Variants in ALPK2 observed in about 807,000 individuals in gnomAD.
ALPK2 encodes the protein alpha kinase 2.
ALPK2 carries 127 observed loss-of-function variants against 163.1 expected under a neutral mutation model. The ratio of observed to expected loss-of-function variants is 0.78; its 90% CI spans 0.67 to 0.90. The LOEUF is 0.90. ALPK2 is among the 40% of genes least tolerant of loss of function. The pLI, the probability that ALPK2 is intolerant of heterozygous loss-of-function variation, is 0.00. For synonymous variants in ALPK2, 953 were observed against 959.1 expected, an observed-to-expected ratio of 0.99 and a Z score of 0.12; for missense variants, 2,360 against 2,589.6, an observed-to-expected ratio of 0.91 and a Z score of 1.92.
At chr18:58,599,663 T>C (rs138526231) in intron 3 of ALPK2, among the ~76,000 whole-genome samples, 1 of 152,288 alleles carries the variant, frequency 6.6e-6, no homozygotes, top group Non-Finnish European at 1.5e-5. Flanking sequence ...CTCCAAACTC[T>C]CCTATTTTAA....
chr18:58,497,548 A>G (rs73445103), intron 12 of ALPK2, among the ~76,000 whole-genome samples: 57 of 152,330 alleles, frequency 3.7e-4, no homozygotes, highest in Middle Eastern at 6.8e-3. Context: ...CAGGTAACTA[A>G]TCACAGCTCT....
In ALPK2 at chr18:58,578,602, G is replaced by A; in HGVS notation, c.1962+212C>T. 4 of 508,590 alleles carry A rather than the reference G, an allele frequency of 7.9e-6. No individual in the cohort carries two copies. The South Asian group carries it at 1.3e-4, about 17-fold the overall frequency. 31.5% of individuals were successfully genotyped at this position (508,590 alleles called of 1,614,324 possible). ...ATTAGGATGGCTTAGGGTTTATCTG[G>A]GCCTTTTTTTCAAAACCAGATTTCC... is the stretch of plus-strand genomic sequence containing the variant. On this transcript the variant is annotated intron_variant, in intron 4 of 12. Coordinates refer to ENST00000361673, the MANE Select transcript of ALPK2 (RefSeq NM_052947.4).
intron 3 of ALPK2, among the ~76,000 whole-genome samples, chr18:58,583,492 T>G (rs1157247090): frequency 6.6e-6 from 1 of 152,038 alleles, no homozygotes. Context: ...CTTGGAGATT[T>G]GGCCTCCATT....
At chr18:58,526,831 G>C (rs558597433) in intron 6 of ALPK2, among the ~76,000 whole-genome samples, 1 of 152,184 alleles carries the variant, frequency 6.6e-6, no homozygotes, top group East Asian at 1.9e-4. Flanking sequence ...CAAAGGAAGA[G>C]GATCACAGTC....
intron 8 of ALPK2, among the ~76,000 whole-genome samples, chr18:58,517,664 T>C (rs1013303995): frequency 6.6e-6 from 1 of 150,794 alleles, no homozygotes; most frequent in East Asian, 2.0e-4. Flanking sequence ...ATACCACAAA[T>C]ATACTATCTG....
intron 3 of ALPK2, among the ~76,000 whole-genome samples, chr18:58,588,321 T>C (rs1419653414): frequency 6.6e-6 from 1 of 152,228 alleles, no homozygotes; most frequent in African/African-American, 2.4e-5. Flanking sequence ...CCATGATTCA[T>C]GCTAAGCCAC....
chr18:58,547,678 G>T (rs1417032892), intron 4 of ALPK2, among the ~76,000 whole-genome samples: 1 of 152,204 alleles, frequency 6.6e-6, no homozygotes, highest in Non-Finnish European at 1.5e-5. Context: ...AAAAGTTATG[G>T]CTTCTTCCCA....
At position 58,535,987 on chromosome 18, in the gene ALPK2, C is replaced by G; in HGVS notation, c.4200G>C (p.Glu1400Asp). The stretch of plus-strand genomic sequence containing the variant: ...TCTCATCAATGGGATCTACAGAGGA[C>G]TCTAGGATTTTAGGGCAGGTCAGAA... Reference protein sequence around the residue: ...KKFLTCPKILESSVDPIDEIS... With the variant: ...KKFLTCPKILDSSVDPIDEIS... The change falls in exon 5 of 13, where the codon GAG becomes GAC. Residue 1400 changes from glutamate (E) to aspartate (D), a missense_variant. Transcript: ENST00000361673. 6.2e-7 allele frequency: 1 copy of G among 1,614,120 alleles called. No individual in the cohort carries two copies. Among genetic ancestry groups the G allele is most frequent in the South Asian group, 1.1e-5 (1 of 91,076 alleles).
Position 58,524,062 on chromosome 18 carries a change from A to C in ALPK2, c.5502T>G (p.Ser1834Arg), listed in dbSNP as rs2051571380. ...DSKSIAQVQR[S>R]AGDNSTVSFA... Reference sequence around the variant, plus strand: ...AGGAAACAGTGGAGTTGTCCCCTGCACTGCAATGAGGAATATTCACATTGA... The same window carrying C: ...AGGAAACAGTGGAGTTGTCCCCTGCCCTGCAATGAGGAATATTCACATTGA... Residue 1834 changes from serine to arginine, a missense_variant and splice_region_variant, in exon 7 of 13, where the codon AGT (serine) becomes AGG (arginine). Ser to Arg is a moderately radical substitution (Grantham distance 110). Transcript: ENST00000361673. The C allele has an allele frequency of 6.2e-7, 1 of 1,611,932 alleles. No homozygotes were observed. The highest frequency in any genetic ancestry group is 1.3e-5 in the African/African-American group (1 of 74,902).
At chr18:58,526,939 T>G (rs1404257542) in intron 6 of ALPK2, among the ~76,000 whole-genome samples, 6 of 152,250 alleles carry the variant, frequency 3.9e-5, no homozygotes, top group Non-Finnish European at 7.3e-5. Flanking sequence ...AGTTACAGGT[T>G]AACTTTTAGG....
At chr18:58,542,114 A>G (rs1042750423) in intron 4 of ALPK2, among the ~76,000 whole-genome samples, 9 of 152,216 alleles carry the variant, frequency 5.9e-5, no homozygotes, top group Admixed American at 5.9e-4. Flanking sequence ...AGTAAGCCCA[A>G]CATAGTGTGT....
chr18:58,562,268 G>C (rs11660309), intron 4 of ALPK2, among the ~76,000 whole-genome samples: 17,957 of 152,238 alleles, frequency 0.12, 1,131 homozygotes, highest in East Asian at 0.19. Context: ...CAACACTTCT[G>C]TTTCTCTCTA....
chr18:58,485,014 A>G (rs1369528263), intron 12 of ALPK2, among the ~76,000 whole-genome samples: 1 of 152,142 alleles, frequency 6.6e-6, no homozygotes, highest in Non-Finnish European at 1.5e-5. Flanking sequence ...AGTGACATGT[A>G]GGGCCCAGTA....
intron 1 of ALPK2, among the ~76,000 whole-genome samples, chr18:58,612,284 T>C (rs1185237047): frequency 6.6e-6 from 1 of 152,152 alleles, no homozygotes; most frequent in East Asian, 1.9e-4. Context: ...TAAAGTCTTT[T>C]CACACTGTGC....
chr18:58,483,478 TC>T (rs1281459759), intron 12 of ALPK2, among the ~76,000 whole-genome samples: 1 of 152,162 alleles, frequency 6.6e-6, no homozygotes, highest in Non-Finnish European at 1.5e-5. Context: ...CCTGCAGTAT[TC>T]CCCCTGCATG....
rs567139335 is a variant in ALPK2, at chr18:58,585,470, T to C, written c.228-4922A>G. Among the ~76,000 whole-genome samples the C allele has an allele frequency of 5.3e-5, 8 of 152,300 alleles. No homozygotes were observed. In the East Asian group the frequency reaches 1.5e-3, roughly 29 times the overall value. ...TGGATTTTTGTATCTGTGCATTCAG[T>C]GTGATACAATACATGGTTTTGATTA... On this transcript the variant is annotated intron_variant, in intron 3 of 12. Transcript: ENST00000361673.
intron 4 of ALPK2, among the ~76,000 whole-genome samples, chr18:58,564,871 A>G (rs2051843794): frequency 6.6e-6 from 1 of 152,218 alleles, no homozygotes; most frequent in Non-Finnish European, 1.5e-5. Flanking sequence ...CAATATTATC[A>G]GTAAAAATAA....
chr18:58,612,989 A>G (rs1315827211), intron 1 of ALPK2, among the ~76,000 whole-genome samples: 2 of 152,158 alleles, frequency 1.3e-5, no homozygotes, highest in African/African-American at 4.8e-5. Flanking sequence ...GAGGTCCCCA[A>G]AGCAGACACC....
Position 58,537,027 on chromosome 18 carries a change from G to C in ALPK2, c.3160C>G (p.Gln1054Glu). ...CTTAAAATATGATCCAACTGCACTTGGGAAGGAAATTGGGAAACCTTTTCA... is the reference window on the plus strand; with the variant it reads ...CTTAAAATATGATCCAACTGCACTTCGGAAGGAAATTGGGAAACCTTTTCA... ...SHEKVSQFPS[Q>E]VQLDHILSGA... The change falls in exon 5 of 13, where the codon CAA becomes GAA. Residue 1054 changes from glutamine to glutamate, a missense_variant. Physicochemically the swap from Gln to Glu is conservative, Grantham distance 29. Transcript: ENST00000361673. The C allele has an allele frequency of 1.9e-6, 3 of 1,613,892 alleles. No homozygotes were observed. The highest frequency in any genetic ancestry group is 2.5e-6 in the Non-Finnish European group (3 of 1,179,786).
Sources: gnomAD v4.1 joint callset for allele counts (sites outside exome capture counted in the v4.1 genomes callset) on GRCh38, gnomAD v4.1.1 for gene constraint, MANE v1.5 for transcripts, NCBI Gene and HGNC (gene_info 2026-07-23, HGNC 2026-07-21) for gene names.